TEX14: variants seen among roughly 807,000 people sequenced by gnomAD.
TEX14 encodes the protein testis expressed 14, intercellular bridge forming factor.
Under a neutral mutation model 178.6 loss-of-function variants are expected in TEX14, and 168 were observed. The ratio of observed to expected loss-of-function variants is 0.94; its 90% CI spans 0.83 to 1.07. The LOEUF (loss-of-function observed/expected upper bound fraction) is 1.07, where lower values mean the gene tolerates loss of function less well. Among genes scored for constraint, TEX14 ranks in the 50% least tolerant of loss-of-function variants. The pLI, the probability that TEX14 is intolerant of heterozygous loss-of-function variation, is 0.00. For missense variants in TEX14, 1,730 were observed against 1,753.6 expected (o/e 0.99, Z 0.24); for synonymous variants, 626 against 634.1 (o/e 0.99, Z 0.19).
At chr17:58,601,657 G>A in intron 13 of TEX14, 149 bp downstream of exon 13, 1 of 693,422 alleles carries the variant, frequency 1.4e-6, no homozygotes, top group Middle Eastern at 4.2e-4. Flanking sequence ...GCATGCCACT[G>A]TACTCCAGTC....
At chr17:58,647,716 A>G (rs888923458) in intron 2 of TEX14, among the ~76,000 whole-genome samples, 12 of 151,492 alleles carry the variant, frequency 7.9e-5, no homozygotes, top group African/African-American at 2.9e-4. Flanking sequence ...GTTTTTTGAG[A>G]CAGAGTCTTC....
rs745695592 is a variant in TEX14, at chr17:58,561,581, T to C, written c.4096A>G (p.Arg1366Gly). Residue 1366 changes from arginine (R) to glycine (G), a missense_variant, in exon 29 of 32, where the codon AGA becomes GGA. By Grantham distance (125) the Arg-to-Gly change is moderately radical. Transcript: ENST00000349033. ...AHSTLDEDLERWLQPPEESVE... is the reference protein window; with the variant it reads ...AHSTLDEDLEGWLQPPEESVE... ...CTCTCCTCAGGTGGCTGCAGCCATCTTTCCAGGTCCTCATCCAGAGTAGAG... is the reference window on the plus strand; with the variant it reads ...CTCTCCTCAGGTGGCTGCAGCCATCCTTCCAGGTCCTCATCCAGAGTAGAG... The C allele has an allele frequency of 5.0e-6, 8 of 1,614,006 alleles. No homozygotes were observed. In the Admixed American group the frequency reaches 6.7e-5, roughly 13 times the overall value.
intron 16 of TEX14, 80 bp downstream of exon 16, chr17:58,587,816 C>T (rs2045015878): frequency 7.8e-7 from 1 of 1,284,618 alleles, no homozygotes; most frequent in Admixed American, 1.7e-5. Context: ...TTGCACTGAC[C>T]CCTTTGCACC....
chr17:58,577,419 C>A lies in TEX14; in HGVS notation c.3276G>T (p.Lys1092Asn). The A allele has an allele frequency of 6.6e-7, 1 of 1,514,322 alleles. No homozygotes were observed. 93.8% of individuals were successfully genotyped at this position (1,514,322 alleles called of 1,614,324 possible). A position where few individuals can be genotyped will look rare whatever the true frequency, so the allele number is the denominator to read the frequency against. ...EKFQMRKILG[K>N]NAEILPRSQF... is the part of the protein sequence containing the mutation. Reference sequence around the variant, plus strand: ...GAGACCTGGGCAAAATCTCAGCATTCTTTCCAAGAATTTTTCTCATTTGGA... The same window carrying A: ...GAGACCTGGGCAAAATCTCAGCATTATTTCCAAGAATTTTTCTCATTTGGA... Residue 1092 changes from lysine to asparagine, a missense_variant, in exon 21 of 32, where the codon AAG becomes AAT. By Grantham distance (94) the Lys-to-Asn change is moderately conservative. Around this residue, in one of 2 missense-constraint regions of TEX14, gnomAD observed 941 missense variants for 1,072.4 expected, o/e 0.88. Transcript: ENST00000349033.
intron 10 of TEX14, among the ~76,000 whole-genome samples, chr17:58,607,963 A>AAG (rs1274581698): frequency 6.6e-6 from 1 of 152,042 alleles, no homozygotes; most frequent in African/African-American, 2.4e-5. Flanking sequence ...GCCTGGGCAA[A>AAG]AGAGAGAGAT....
chr17:58,558,833 G>A (rs1276843265), intron 30 of TEX14, among the ~76,000 whole-genome samples: 3 of 152,128 alleles, frequency 2.0e-5, no homozygotes, highest in African/African-American at 4.8e-5. Context: ...AAGCATCTAT[G>A]TGAGCTAAAT....
rs182639700 is a variant in TEX14 at position 58,688,810 on chromosome 17, G to T, written c.-2+3129C>A. On this transcript the variant is annotated intron_variant, in intron 1 of 31. Coordinates refer to ENST00000349033, the MANE Select transcript of TEX14 (RefSeq NM_031272.5). ...AAGAAAAACCAAAACATATTCCCGG[G>T]GGGGGTTTGGGAGATTACTGAAGTA... Among the ~76,000 whole-genome samples the T allele has an allele frequency of 4.6e-5, 7 of 152,236 alleles. No homozygotes were observed. In the East Asian group the frequency reaches 1.2e-3, roughly 25 times the overall value.
intron 22 of TEX14, 102 bp downstream of exon 22, chr17:58,574,085 T>A: frequency 1.1e-6 from 1 of 942,116 alleles, no homozygotes; most frequent in Admixed American, 2.0e-5. Context: ...ACATTAAGTC[T>A]ACACGTAAAA....
intron 1 of TEX14, among the ~76,000 whole-genome samples, chr17:58,674,631 C>G (rs1458541326): frequency 6.6e-6 from 1 of 152,012 alleles, no homozygotes; most frequent in East Asian, 1.9e-4. Context: ...GATCCTGCCC[C>G]TGCACTCCAG....
chr17:58,612,325 G>A (rs926935299), intron 9 of TEX14, among the ~76,000 whole-genome samples: 5 of 152,032 alleles, frequency 3.3e-5, no homozygotes, highest in Admixed American at 6.6e-5. Context: ...GCAGTGGCTC[G>A]TACCTATAAT....
rs763062716 is a variant in TEX14, at chr17:58,599,189, ATGT to A, written c.2153_2155del (p.Asn718del). ...GATGAGATACTCCTCAGTCGTGGAC[ATGT>A]TGTTCAAATTGCTCTTGGCTTCTCT... is the stretch of plus-strand genomic sequence containing the variant. On this transcript the variant is annotated inframe_deletion, in exon 14 of 32. Coordinates refer to ENST00000349033, the MANE Select transcript of TEX14 (RefSeq NM_031272.5). 12 of 1,614,022 alleles carry A rather than the reference ATGT, an allele frequency of 7.4e-6. No homozygotes were observed. Among genetic ancestry groups the A allele is most frequent in the East Asian group, 4.5e-5 (2 of 44,890 alleles).
intron 19 of TEX14, among the ~76,000 whole-genome samples, chr17:58,580,436 C>T (rs1567717104): frequency 6.6e-6 from 1 of 152,104 alleles, no homozygotes; most frequent in Admixed American, 6.6e-5. Context: ...CTCAGCCTCC[C>T]GAGTAGCTGG....
At chr17:58,619,295 A>G (rs1459806773) in intron 5 of TEX14, among the ~76,000 whole-genome samples, 2 of 152,154 alleles carry the variant, frequency 1.3e-5, no homozygotes, top group Admixed American at 6.5e-5. Context: ...TCTCTTACCT[A>G]AATTTCTCAG....
At chr17:58,560,146 G>A (rs1284758630) in intron 29 of TEX14, among the ~76,000 whole-genome samples, 5 of 152,018 alleles carry the variant, frequency 3.3e-5, no homozygotes, top group Admixed American at 2.0e-4. Context: ...CCTCTTTGTG[G>A]TACCTCTAGC....
intron 10 of TEX14, among the ~76,000 whole-genome samples, chr17:58,608,864 T>C (rs1447463622): frequency 6.6e-6 from 1 of 152,146 alleles, no homozygotes; most frequent in Non-Finnish European, 1.5e-5. Context: ...TGCCTTCAAA[T>C]GGTCAGGAGG....
chr17:58,651,732 G>A, intron 2 of TEX14, 134 bp downstream of exon 2: 3 of 843,524 alleles, frequency 3.6e-6, no homozygotes, highest in Non-Finnish European at 5.4e-6. Flanking sequence ...CACTGCTAGA[G>A]AACATCTAAT....
Position 58,593,631 on chromosome 17 carries a change from T to C in TEX14, c.2500A>G (p.Asn834Asp). ...GTGCACTGAAATTGTTCATCTGTGT[T>C]CTGTTTTCCAGGGTCACAAAGAGTC... ...LPTLCDPGKQNTDEQFQCTQG... is the reference protein window; with the variant it reads ...LPTLCDPGKQDTDEQFQCTQG... Residue 834 changes from asparagine to aspartate, a missense_variant, in exon 15 of 32, where the codon AAC (asparagine) becomes GAC (aspartate). Around this residue, in one of 2 missense-constraint regions of TEX14, gnomAD observed 941 missense variants for 1,072.4 expected, o/e 0.88. Transcript: ENST00000349033. The C allele has an allele frequency of 6.2e-7, 1 of 1,614,158 alleles. No individual in the cohort carries two copies. Among genetic ancestry groups the C allele is most frequent in the Non-Finnish European group, 8.5e-7 (1 of 1,180,006 alleles).
intron 2 of TEX14, chr17:58,631,580 A>G (rs1464422110): frequency 6.6e-6 from 1 of 151,990 alleles, no homozygotes; most frequent in Admixed American, 6.6e-5. Flanking sequence ...CCTTATACTC[A>G]AAAATTAAAA....
intron 1 of TEX14, among the ~76,000 whole-genome samples, chr17:58,666,158 C>T (rs1167012928): frequency 6.6e-6 from 1 of 151,800 alleles, no homozygotes; most frequent in Non-Finnish European, 1.5e-5. Context: ...GCCTTGCCAA[C>T]ATGGTAAGAC....
Sources: gnomAD v4.1 joint callset for allele counts (sites outside exome capture counted in the v4.1 genomes callset) on GRCh38, gnomAD v4.1.1 for gene constraint, gnomAD v4.1.1 regional missense constraint, MANE v1.5 for transcripts, NCBI Gene and HGNC (gene_info 2026-07-23, HGNC 2026-07-21) for gene names.